Variants in KATNA1 observed in about 807,000 individuals in gnomAD.
KATNA1 encodes katanin catalytic subunit A1.
In KATNA1, 42 loss-of-function variants were observed where a neutral mutation model predicts 62.6. That is an observed-to-expected ratio of 0.67 (90% CI 0.52 to 0.87). The LOEUF (loss-of-function observed/expected upper bound fraction) is 0.87. Among genes scored for constraint, KATNA1 ranks in the 40% least tolerant of loss-of-function variants. KATNA1 has a pLI of 0.00. For synonymous variants in KATNA1, 186 were observed against 201.9 expected, an observed-to-expected ratio of 0.92 and a Z score of 0.67; for missense variants, 498 against 612.5, an observed-to-expected ratio of 0.81 and a Z score of 1.97.
intron 4 of KATNA1, among the ~76,000 whole-genome samples, chr6:149,614,716 A>G (rs1260014304): frequency 6.6e-6 from 1 of 152,192 alleles, no homozygotes; most frequent in Admixed American, 6.6e-5. Flanking sequence ...TGAGTCTACA[A>G]GTAGCTACGA....
At chr6:149,606,441 CATG>C (rs770682055) in intron 4 of KATNA1, among the ~76,000 whole-genome samples, 7 of 152,052 alleles carry the variant, frequency 4.6e-5, no homozygotes, top group Non-Finnish European at 7.4e-5. Flanking sequence ...TTGCACGTAA[CATG>C]ATGATTCCTT....
At chr6:149,641,481 T>C (rs9322206) in intron 1 of KATNA1, among the ~76,000 whole-genome samples, 80,884 of 151,750 alleles carry the variant, frequency 0.53, 24,747 homozygotes, top group East Asian at 0.83. Context: ...TGGCCTGCCT[T>C]GGGGTTTTTT....
At position 149,630,648 on chromosome 6, in the gene KATNA1, T is replaced by C. The variant is rs566612619; in HGVS notation, c.320+2111A>G. On this transcript the variant is annotated intron_variant, in intron 3 of 10. Coordinates refer to ENST00000367411, the MANE Select transcript of KATNA1 (RefSeq NM_007044.4). ...GTCTCAAAAAAAATAAAAATAAAAA[T>C]AAAAGTGGCTAAGAAATAATCAGTA... 2.1e-3 allele frequency among the ~76,000 whole-genome samples: 322 copies of C among 152,074 alleles called. 1 individual carries two copies. Among genetic ancestry groups the C allele is most frequent in the African/African-American group, 7.3e-3 (302 of 41,520 alleles).
At chr6:149,608,013 C>T (rs959694403) in intron 4 of KATNA1, among the ~76,000 whole-genome samples, 1 of 152,170 alleles carries the variant, frequency 6.6e-6, no homozygotes, top group African/African-American at 2.4e-5. Context: ...CTGCAGTAAG[C>T]CAAGATCAGG....
At chr6:149,615,210 T>C (rs998184326) in intron 4 of KATNA1, among the ~76,000 whole-genome samples, 2 of 150,728 alleles carry the variant, frequency 1.3e-5, no homozygotes, top group African/African-American at 4.9e-5. Flanking sequence ...TGTTTTGATT[T>C]TTTTTTTTTT....
intron 1 of KATNA1, among the ~76,000 whole-genome samples, chr6:149,641,808 C>A (rs1286093964): frequency 6.6e-6 from 1 of 152,160 alleles, no homozygotes; most frequent in Admixed American, 6.6e-5. Context: ...GCATAAAGGA[C>A]AATTCACAGA....
rs886154052 is a variant in KATNA1, at chr6:149,607,215, T to C, written c.502-2433A>G. Among the ~76,000 whole-genome samples, 11 of 152,180 alleles carry C rather than the reference T, an allele frequency of 7.2e-5. No homozygotes were observed. The East Asian group carries it at 1.9e-3, about 27-fold the overall frequency. ...GCAGAAGAAAGAAACAGTGTTGTAA[T>C]AGGACAGCCAAAGAAAGCTGTGGAA... On this transcript the variant is annotated intron_variant, in intron 4 of 10. Transcript: ENST00000367411.
At chr6:149,643,925 C>T (rs1170444871) in intron 1 of KATNA1, among the ~76,000 whole-genome samples, 3 of 151,724 alleles carry the variant, frequency 2.0e-5, no homozygotes, top group Non-Finnish European at 2.9e-5. Context: ...TGGGCTCAAG[C>T]GATCAGCCCA....
At chr6:149,645,781 A>G (rs1397579488) in intron 1 of KATNA1, among the ~76,000 whole-genome samples, 1 of 152,220 alleles carries the variant, frequency 6.6e-6, no homozygotes, top group Non-Finnish European at 1.5e-5. Context: ...CTCAAGTGAC[A>G]GAATCAAATT....
At chr6:149,613,794 T>G (rs1329248814) in intron 4 of KATNA1, among the ~76,000 whole-genome samples, 1 of 152,180 alleles carries the variant, frequency 6.6e-6, no homozygotes, top group African/African-American at 2.4e-5. Context: ...AAAAGCAAGG[T>G]GTTGAAACTC....
At chr6:149,597,719 A>C in intron 8 of KATNA1, 78 bp from the exon 9 acceptor site, 1 of 1,373,632 alleles carries the variant, frequency 7.3e-7, no homozygotes, top group Non-Finnish European at 1.0e-6. Context: ...TTTAAAGATC[A>C]ACAACTATTT....
intron 4 of KATNA1, among the ~76,000 whole-genome samples, chr6:149,620,814 A>C (rs1046106712): frequency 6.6e-5 from 10 of 151,210 alleles, no homozygotes; most frequent in Non-Finnish European, 7.4e-5. Context: ...AACAAACAAA[A>C]ATTTTTAAAA....
rs200653967 is a variant in KATNA1, at chr6:149,595,222, C to T, written c.1290G>A (p.Leu430=). ...CTTCAATGCGCCTTCTCATTGCCAT[C>T]AAGGACGCATCCCTAGGTTTTAAGT... ...DITNVCRDAS[L]MAMRRRIEGL... Residue 430 remains leucine, a synonymous_variant, in exon 11 of 11, where the codon TTG becomes TTA. Transcript: ENST00000367411. 1.5e-5 allele frequency: 24 copies of T among 1,613,658 alleles called. No homozygotes were observed. The highest frequency in any genetic ancestry group is 1.6e-4 in the Middle Eastern group (1 of 6,084).
At chr6:149,613,537 CAT>C (rs1384283412) in intron 4 of KATNA1, among the ~76,000 whole-genome samples, 3 of 152,054 alleles carry the variant, frequency 2.0e-5, no homozygotes, top group East Asian at 1.9e-4. Context: ...AGAAGATAAA[CAT>C]ATAAAAATCA....
chr6:149,600,907 A>G (rs945393873), intron 7 of KATNA1, among the ~76,000 whole-genome samples: 1 of 152,176 alleles, frequency 6.6e-6, no homozygotes, highest in Non-Finnish European at 1.5e-5. Flanking sequence ...ATGCTCCTGC[A>G]TACCAGCCTA....
At chr6:149,636,764 C>A (rs1780078775) in intron 2 of KATNA1, among the ~76,000 whole-genome samples, 1 of 151,906 alleles carries the variant, frequency 6.6e-6, no homozygotes, top group African/African-American at 2.4e-5. Flanking sequence ...CCTCAGCCTC[C>A]CAAGTAGCTG....
intron 2 of KATNA1, among the ~76,000 whole-genome samples, chr6:149,636,659 T>TC (rs1562300901): frequency 6.6e-6 from 1 of 151,758 alleles, no homozygotes; most frequent in African/African-American, 2.4e-5. Flanking sequence ...TTTTTTTTTT[T>TC]GAGACAGAGT....
rs755395219 is a variant in KATNA1, at chr6:149,594,905, A to C, written c.*131T>G. On this transcript the variant is annotated 3_prime_UTR_variant, in exon 11 of 11. Transcript: ENST00000367411. ...CTTAAAAATATTGCCTTTATTCAGA[A>C]TCATAAGGGTTTTTTTAAAAAAATC... 1.7e-4 allele frequency: 117 copies of C among 672,074 alleles called. No homozygotes were observed. The highest frequency in any genetic ancestry group is 4.2e-4 in the Middle Eastern group (1 of 2,372). 41.6% of individuals were successfully genotyped at this position (672,074 alleles called of 1,614,324 possible).
intron 4 of KATNA1, 44 bp downstream of exon 4, chr6:149,623,059 G>A (rs754226192): frequency 1.3e-5 from 18 of 1,367,634 alleles, no homozygotes; most frequent in African/African-American, 2.9e-5. Flanking sequence ...TCATTTTTAC[G>A]GTTCAAAAAT....
Sources: gnomAD v4.1 joint callset for allele counts (sites outside exome capture counted in the v4.1 genomes callset) on GRCh38, gnomAD v4.1.1 for gene constraint, MANE v1.5 for transcripts, NCBI Gene and HGNC (gene_info 2026-07-23, HGNC 2026-07-21) for gene names.